XPNPEP1: variants seen among roughly 807,000 people sequenced by gnomAD.
The protein encoded by XPNPEP1 is xaa-Pro aminopeptidase 1.
XPNPEP1 carries 39 observed loss-of-function variants against 92.4 expected under a neutral mutation model. The observed-to-expected ratio is 0.42, with a 90% CI of 0.33 to 0.55. The LOEUF (loss-of-function observed/expected upper bound fraction) is 0.55, where lower values mean the gene tolerates loss of function less well. Among genes scored for constraint, XPNPEP1 ranks in the 20% least tolerant of loss-of-function variants. XPNPEP1 has a pLI of 0.08. For synonymous variants in XPNPEP1, 307 were observed against 299.4 expected, an observed-to-expected ratio of 1.03 and a Z score of -0.26; for missense variants, 654 against 856.1, an observed-to-expected ratio of 0.76 and a Z score of 2.95.
At chr10:109,908,879 G>A (rs971092837) in intron 2 of XPNPEP1, among the ~76,000 whole-genome samples, 2 of 152,196 alleles carry the variant, frequency 1.3e-5, no homozygotes, top group Non-Finnish European at 2.9e-5. Context: ...TCCACTAGGA[G>A]TCAAAAGTCT....
chr10:109,921,585 G>A (rs1850544181), intron 1 of XPNPEP1, among the ~76,000 whole-genome samples: 1 of 152,194 alleles, frequency 6.6e-6, no homozygotes, highest in African/African-American at 2.4e-5. Context: ...GGAACAAGAT[G>A]CTCAATCACA....
intron 2 of XPNPEP1, 40 bp from the exon 3 acceptor site, chr10:109,907,855 C>T: frequency 1.2e-6 from 2 of 1,611,056 alleles, no homozygotes; most frequent in Non-Finnish European, 1.7e-6. Flanking sequence ...CCAGCCTGCC[C>T]CCAGCAATTC....
At chr10:109,903,006 C>T (rs1456340879) in intron 3 of XPNPEP1, among the ~76,000 whole-genome samples, 1 of 152,184 alleles carries the variant, frequency 6.6e-6, no homozygotes, top group Admixed American at 6.5e-5. Flanking sequence ...AAGTATCAGT[C>T]AGGGTGTCCA....
chr10:109,910,239 C>A (rs1849791037), intron 2 of XPNPEP1, among the ~76,000 whole-genome samples: 2 of 152,116 alleles, frequency 1.3e-5, no homozygotes, highest in African/African-American at 4.8e-5. Context: ...AGATTGATTT[C>A]TTTCACTTAA....
chr10:109,912,146 T>A (rs1433423432), intron 2 of XPNPEP1, among the ~76,000 whole-genome samples: 64 of 152,066 alleles, frequency 4.2e-4, no homozygotes, highest in Non-Finnish European at 2.9e-5. Flanking sequence ...CCCCACAGAA[T>A]CATCAGCTTT....
At chr10:109,911,437 A>G (rs1453038426) in intron 2 of XPNPEP1, among the ~76,000 whole-genome samples, 1 of 152,166 alleles carries the variant, frequency 6.6e-6, no homozygotes, top group Non-Finnish European at 1.5e-5. Flanking sequence ...TACTGGGCCT[A>G]TAATTTCTCA....
At chr10:109,887,057 A>G (rs1213841909) in intron 7 of XPNPEP1, among the ~76,000 whole-genome samples, 1 of 152,182 alleles carries the variant, frequency 6.6e-6, no homozygotes, top group East Asian at 1.9e-4. Flanking sequence ...AACTCAGGGA[A>G]CAGCCACCTG....
intron 20 of XPNPEP1, among the ~76,000 whole-genome samples, chr10:109,866,361 A>G (rs952760551): frequency 2.6e-5 from 4 of 152,132 alleles, no homozygotes; most frequent in Admixed American, 6.5e-5. Flanking sequence ...TACTGAGAAG[A>G]GCCTAGTAGC....
intron 2 of XPNPEP1, among the ~76,000 whole-genome samples, chr10:109,911,760 G>C (rs1849886040): frequency 6.6e-6 from 1 of 152,138 alleles, no homozygotes; most frequent in African/African-American, 2.4e-5. Flanking sequence ...GTACAGCCTT[G>C]GCTTCAGGAG....
chr10:109,891,648 G>C, intron 5 of XPNPEP1, 74 bp downstream of exon 5: 3 of 1,203,326 alleles, frequency 2.5e-6, no homozygotes, highest in Non-Finnish European at 3.5e-6. Flanking sequence ...TTAAGATCCA[G>C]GAGTCCTGAG....
intron 3 of XPNPEP1, among the ~76,000 whole-genome samples, chr10:109,902,935 C>G (rs965134070): frequency 1.3e-5 from 2 of 152,206 alleles, no homozygotes; most frequent in Non-Finnish European, 2.9e-5. Context: ...CACTGCCACT[C>G]CCAGAAGGAA....
intron 8 of XPNPEP1, 180 bp from the exon 9 acceptor site, chr10:109,884,328 A>G: frequency 1.7e-6 from 1 of 594,294 alleles, no homozygotes; most frequent in Non-Finnish European, 3.0e-6. Flanking sequence ...GCAATTGCTC[A>G]TGTCCACCAC....
rs377610875 is a variant in XPNPEP1, at chr10:109,904,700, C to T, written c.246+2991G>A. Among the ~76,000 whole-genome samples the T allele has an allele frequency of 3.3e-5, 5 of 152,244 alleles. No homozygotes were observed. In the East Asian group the frequency reaches 9.7e-4, roughly 29 times the overall value. ...TGAAAAGATACTCAACATCACTAAC[C>T]ATCAGGTAATGCAAATCAAATCTAC... is the stretch of plus-strand genomic sequence containing the variant. On this transcript the variant is annotated intron_variant, in intron 3 of 20. Transcript: ENST00000502935.
At chr10:109,902,151 T>C (rs1189959401) in intron 3 of XPNPEP1, among the ~76,000 whole-genome samples, 1 of 152,224 alleles carries the variant, frequency 6.6e-6, no homozygotes, top group East Asian at 1.9e-4. Context: ...TTATTTAATC[T>C]CTTCAAAGGG....
rs1050188256 is a variant in XPNPEP1 at position 109,873,406 on chromosome 10, C to T, written c.1413G>A (p.Thr471=). The change falls in exon 16 of 21, where the codon ACG becomes ACA. Residue 471 remains threonine (T), a synonymous_variant. Coordinates refer to ENST00000502935, the MANE Select transcript of XPNPEP1 (RefSeq NM_020383.4). ...AQYKDGTTDV[T]RTMHFGTPTA... The stretch of plus-strand genomic sequence containing the variant: ...TAGGGGTCCCAAAATGCATTGTCCG[C>T]GTCACATCTGTGGTGCCATCCCTTT... 3.2e-5 allele frequency: 51 copies of T among 1,614,050 alleles called. 1 individual carries two copies. The highest frequency in any genetic ancestry group is 3.3e-4 in the Middle Eastern group (2 of 6,084).
At chr10:109,895,414 A>G (rs1848934292) in intron 3 of XPNPEP1, among the ~76,000 whole-genome samples, 1 of 152,242 alleles carries the variant, frequency 6.6e-6, no homozygotes. Context: ...AAAGGCAAGG[A>G]AAGAGTTCCT....
intron 1 of XPNPEP1, among the ~76,000 whole-genome samples, chr10:109,916,246 A>C (rs527566508): frequency 6.6e-6 from 1 of 152,358 alleles, no homozygotes; most frequent in Admixed American, 6.5e-5. Context: ...AGAGTGAGGA[A>C]GCAAGCCATG....
chr10:109,914,928 T>C (rs1850103310), intron 2 of XPNPEP1, 83 bp downstream of exon 2: 2 of 805,784 alleles, frequency 2.5e-6, no homozygotes, highest in South Asian at 4.8e-5. Flanking sequence ...CCTTACCCTC[T>C]TCTTCTCACC....
At chr10:109,916,324 T>C (rs1850187703) in intron 1 of XPNPEP1, among the ~76,000 whole-genome samples, 1 of 150,906 alleles carries the variant, frequency 6.6e-6, no homozygotes, top group South Asian at 2.1e-4. Context: ...GGAGTATGTC[T>C]AGTTTACCTG....
Sources: allele counts gnomAD v4.1 joint callset (sites outside exome capture counted in the v4.1 genomes callset), GRCh38; gene constraint gnomAD v4.1.1; transcripts MANE v1.5; gene names NCBI Gene and HGNC (gene_info 2026-07-23, HGNC 2026-07-21).